Variants in CALN1 observed in about 807,000 individuals in gnomAD.
CALN1 encodes calneuron 1.
A neutral mutation model predicts 30.6 loss-of-function variants in CALN1; 17 were observed. That is an observed-to-expected ratio of 0.56 (90% CI 0.38 to 0.83). The LOEUF (loss-of-function observed/expected upper bound fraction) is 0.83, where lower values mean the gene tolerates loss of function less well. Ranked by LOEUF, CALN1 falls within the 40% of genes least tolerant of loss-of-function variation. CALN1 has a pLI of 0.00. For synonymous variants in CALN1, 156 were observed against 131.4 expected, an observed-to-expected ratio of 1.19 and a Z score of -1.28; for missense variants, 291 against 354.9, an observed-to-expected ratio of 0.82 and a Z score of 1.45.
At chr7:72,203,977 CTCTTTTTTTTTT>C (rs1346502168) in intron 3 of CALN1, among the ~76,000 whole-genome samples, 1 of 92,272 alleles carries the variant, frequency 1.1e-5, no homozygotes, top group African/African-American at 6.1e-5. Flanking sequence ...AGAGGCCTCT[CTCTTTTTTTTTT>C]TTTTTTTTTT....
intron 4 of CALN1, chr7:72,103,366 A>G (rs991609622): frequency 1.4e-4 from 22 of 162,062 alleles, no homozygotes; most frequent in Admixed American, 3.1e-4. Flanking sequence ...TGTGAGGTAC[A>G]GCAGAGAGTG....
intron 5 of CALN1, among the ~76,000 whole-genome samples, chr7:72,022,376 TC>T (rs1248309609): frequency 6.6e-6 from 1 of 152,168 alleles, no homozygotes; most frequent in Non-Finnish European, 1.5e-5. Context: ...TAATTGTGTT[TC>T]CCTAGCCAAA....
intron 5 of CALN1, among the ~76,000 whole-genome samples, chr7:71,931,183 G>C (rs998741330): frequency 1.3e-5 from 2 of 152,022 alleles, no homozygotes; most frequent in African/African-American, 2.4e-5. Flanking sequence ...TTTTTAGAGG[G>C]GATAACATTT....
At chr7:72,312,607 G>C (rs895104261) in intron 2 of CALN1, among the ~76,000 whole-genome samples, 6 of 151,986 alleles carry the variant, frequency 3.9e-5, no homozygotes, top group Admixed American at 6.6e-5. Flanking sequence ...AATTCAAAAT[G>C]TAACTTTGGA....
intron 5 of CALN1, among the ~76,000 whole-genome samples, chr7:72,007,492 A>G (rs1163841097): frequency 6.6e-6 from 1 of 152,212 alleles, no homozygotes; most frequent in Non-Finnish European, 1.5e-5. Flanking sequence ...GATTGCAATG[A>G]GCCTGGATCG....
intron 2 of CALN1, among the ~76,000 whole-genome samples, chr7:72,372,987 G>A (rs1226874313): frequency 6.6e-6 from 1 of 152,058 alleles, no homozygotes; most frequent in African/African-American, 2.4e-5. Context: ...ACCATAAAAT[G>A]CTCCAAAAAG....
chr7:72,058,660 C>T (rs1247013033), intron 4 of CALN1, among the ~76,000 whole-genome samples: 3 of 152,064 alleles, frequency 2.0e-5, no homozygotes, highest in African/African-American at 7.2e-5. Flanking sequence ...AGTGTCTGTC[C>T]ACACCCTGGG....
At chr7:71,874,279 T>TAAAAAAAA (rs57423286) in intron 5 of CALN1, among the ~76,000 whole-genome samples, 3 of 97,628 alleles carry the variant, frequency 3.1e-5, no homozygotes, top group African/African-American at 4.1e-5. Flanking sequence ...TCTCAAACAT[T>TAAAAAAAA]AAAAAAAAAA....
intron 3 of CALN1, among the ~76,000 whole-genome samples, chr7:72,117,720 G>A (rs1808085839): frequency 6.6e-6 from 1 of 152,128 alleles, no homozygotes; most frequent in South Asian, 2.1e-4. Context: ...CACTTTGGGA[G>A]GCCAAGCTGG....
chr7:72,349,069 T>G (rs1802787699), intron 2 of CALN1, among the ~76,000 whole-genome samples: 1 of 152,170 alleles, frequency 6.6e-6, no homozygotes. Flanking sequence ...GTATACTTAA[T>G]GTGAAAAAGC....
intron 2 of CALN1, chr7:72,337,156 G>A: frequency 1.0e-6 from 1 of 985,358 alleles, no homozygotes; most frequent in Non-Finnish European, 1.2e-6. Context: ...GCGCGCCCTA[G>A]AAACTCCATG....
chr7:72,162,729 A>T (rs1788203290), intron 3 of CALN1, among the ~76,000 whole-genome samples: 1 of 152,104 alleles, frequency 6.6e-6, no homozygotes, highest in African/African-American at 2.4e-5. Context: ...ACAGAACAAG[A>T]CTCTGTCTCA....
At chr7:72,160,283 T>G (rs993276794) in intron 3 of CALN1, among the ~76,000 whole-genome samples, 3 of 9,624 alleles carry the variant, frequency 3.1e-4, no homozygotes, top group Admixed American at 2.7e-3. Context: ...TCTTTTTAGT[T>G]TTTTTTTTTT....
chr7:72,003,523 T>C (rs1300095151), intron 5 of CALN1, among the ~76,000 whole-genome samples: 1 of 152,184 alleles, frequency 6.6e-6, no homozygotes, highest in African/African-American at 2.4e-5. Flanking sequence ...TCGCTCGCAT[T>C]ACCACCTGAG....
At chr7:72,251,212 T>C (rs1795531360) in intron 3 of CALN1, among the ~76,000 whole-genome samples, 1 of 152,152 alleles carries the variant, frequency 6.6e-6, no homozygotes, top group South Asian at 2.1e-4. Context: ...CCTTCCACTC[T>C]GGTCAAAGCC....
chr7:72,231,370 G>C (rs529485682), intron 3 of CALN1, among the ~76,000 whole-genome samples: 2 of 152,180 alleles, frequency 1.3e-5, no homozygotes, highest in East Asian at 1.9e-4. Context: ...ACTTACAAGT[G>C]AGAACATGCA....
In CALN1 at chr7:72,073,061, C is replaced by A. The variant is rs978097229; in HGVS notation, c.388+33090G>T. Among the ~76,000 whole-genome samples the A allele has an allele frequency of 4.6e-5, 7 of 152,140 alleles. No individual in the cohort carries two copies. In the South Asian group the frequency reaches 1.2e-3, roughly 27 times the overall value. ...CAGAAGTAATTACCTACTTATCAGT[C>A]AATCTAAAAAAGGAAGGAAATTCTG... is the stretch of plus-strand genomic sequence containing the variant. On this transcript the variant is annotated intron_variant, in intron 4 of 6. Coordinates refer to ENST00000395275, the MANE Select transcript of CALN1 (RefSeq NM_031468.4).
intron 1 of CALN1, among the ~76,000 whole-genome samples, chr7:72,438,392 G>C (rs568586433): frequency 6.6e-6 from 1 of 152,256 alleles, no homozygotes; most frequent in East Asian, 1.9e-4. Flanking sequence ...AGAGTGTTGA[G>C]ATTACAGAAG....
At chr7:71,886,988 T>C (rs1040872061) in intron 5 of CALN1, among the ~76,000 whole-genome samples, 1 of 152,000 alleles carries the variant, frequency 6.6e-6, no homozygotes, top group Non-Finnish European at 1.5e-5. Context: ...CCTACCTTAG[T>C]TGAAGGAACC....
Sources: gnomAD v4.1 joint callset for allele counts (sites outside exome capture counted in the v4.1 genomes callset) on GRCh38, gnomAD v4.1.1 for gene constraint, MANE v1.5 for transcripts, NCBI Gene and HGNC (gene_info 2026-07-23, HGNC 2026-07-21) for gene names.